SAMD11: variants seen among roughly 807,000 people sequenced by gnomAD.
SAMD11 encodes the protein sterile alpha motif domain-containing protein 11.
Under a neutral mutation model 64.4 loss-of-function variants are expected in SAMD11, and 77 were observed. The ratio of observed to expected loss-of-function variants is 1.20; its 90% confidence interval spans 0.99 to 1.44. The LOEUF (loss-of-function observed/expected upper bound fraction) is 1.44, where lower values mean the gene tolerates loss of function less well. Among genes scored for constraint, SAMD11 ranks in the 40% most tolerant of loss-of-function variants. The pLI is 0.00. For synonymous variants in SAMD11, 658 were observed against 421.9 expected (o/e 1.56, Z -6.86); for missense variants, 1,402 against 943.3 (o/e 1.49, Z -6.37).
chr1:931,501 G>C (rs115815685), intron 4 of SAMD11, among the ~76,000 whole-genome samples: 1 of 152,222 alleles, frequency 6.6e-6, no homozygotes, highest in Non-Finnish European at 1.5e-5. Flanking sequence ...GCCCTGAAGG[G>C]TGTGTAGGAG....
In SAMD11 at chr1:935,671, T is replaced by C; in HGVS notation, c.843-101T>C. 3 of 1,509,092 alleles carry C rather than the reference T, an allele frequency of 2.0e-6. No individual in the cohort carries two copies. The South Asian group carries it at 3.6e-5, about 18-fold the overall frequency. 93.5% of individuals were successfully genotyped at this position (1,509,092 alleles called of 1,614,324 possible). ...ACAGCAACGTGGCACTCAGAGGTCATCCCCACGCTCACACACAGAGCTAGG... is the reference window on the plus strand; with the variant it reads ...ACAGCAACGTGGCACTCAGAGGTCACCCCCACGCTCACACACAGAGCTAGG... On this transcript the variant is annotated intron_variant, in intron 4 of 13. Transcript: ENST00000616016.
chr1:936,817 G>A (rs1212929154), intron 5 of SAMD11, among the ~76,000 whole-genome samples: 1 of 152,158 alleles, frequency 6.6e-6, no homozygotes, highest in Non-Finnish European at 1.5e-5. Context: ...GCTGAGAGGC[G>A]GTTGATAAAA....
chr1:941,086 G>A, intron 7 of SAMD11, 58 bp from the exon 8 acceptor site: 30 of 1,474,282 alleles, frequency 2.0e-5, no homozygotes, highest in South Asian at 7.4e-5. Context: ...CCAGGACGCG[G>A]GCTGGGGAGG....
At chr1:931,545 A>T (rs1171988674) in intron 4 of SAMD11, among the ~76,000 whole-genome samples, 2 of 152,096 alleles carry the variant, frequency 1.3e-5, no homozygotes, top group African/African-American at 2.4e-5. Flanking sequence ...AGAGTAGAGG[A>T]ACAGGGAAGG....
rs563989684 is a variant in SAMD11, at chr1:936,357, C to T, written c.967+461C>T. Among the ~76,000 whole-genome samples, 4 of 145,864 alleles carry T rather than the reference C, an allele frequency of 2.7e-5. 1 individual carries two copies. Among genetic ancestry groups the T allele is most frequent in the South Asian group, 2.2e-4 (1 of 4,542 alleles). The stretch of plus-strand genomic sequence containing the variant: ...CCTGGACGGAAGGGGTCCCCGGTCC[C>T]GCCTCCTAGGGCTCCTGGACGGAAG... On this transcript the variant is annotated intron_variant, in intron 5 of 13. Coordinates refer to ENST00000616016, the MANE Select transcript of SAMD11 (RefSeq NM_001385641.1).
At chr1:939,155 C>T in intron 6 of SAMD11, 26 bp downstream of exon 6, 3 of 1,562,200 alleles carry the variant, frequency 1.9e-6, no homozygotes, top group Non-Finnish European at 8.7e-7. Flanking sequence ...GGACGAGAGA[C>T]AGGTCACCAG....
chr1:941,372 C>T, intron 8 of SAMD11, 66 bp downstream of exon 8: 11 of 1,403,332 alleles, frequency 7.8e-6, no homozygotes, highest in Non-Finnish European at 1.0e-5. Context: ...CGCTCTCAGC[C>T]ACCAGCACGC....
intron 5 of SAMD11, 39 bp downstream of exon 5, chr1:935,935 G>A: frequency 6.3e-7 from 1 of 1,599,144 alleles, no homozygotes; most frequent in Non-Finnish European, 8.5e-7. Flanking sequence ...GGTCGGGGCT[G>A]TGGGGCCAGA....
chr1:935,271 C>T (rs76294260), intron 4 of SAMD11, among the ~76,000 whole-genome samples: 8,518 of 152,172 alleles, frequency 0.056, 455 homozygotes, highest in East Asian at 0.28. Flanking sequence ...GCCGTGTGTG[C>T]GTGGGGCGCG....
chr1:929,630 G>A (rs1441509457), intron 2 of SAMD11, among the ~76,000 whole-genome samples: 5 of 152,352 alleles, frequency 3.3e-5, no homozygotes, highest in African/African-American at 7.2e-5. Flanking sequence ...CGGAGGGAAC[G>A]TGCGCATTTG....
chr1:925,771 A>G (rs2100288379), intron 1 of SAMD11, 151 bp from the exon 2 acceptor site: 1 of 625,914 alleles, frequency 1.6e-6, no homozygotes, highest in Non-Finnish European at 2.9e-6. Context: ...CGAGGGTGGG[A>G]CGGGAAGCGG....
Position 924,499 on chromosome 1 carries a change from C to A in SAMD11, c.68C>A (p.Pro23Gln), listed in dbSNP as rs1640790435. The A allele has an allele frequency of 5.3e-5, 8 of 149,898 alleles. No homozygotes were observed. The South Asian group carries it at 1.5e-3, about 29-fold the overall frequency. 9.3% of individuals were successfully genotyped at this position (149,898 alleles called of 1,614,324 possible). Residue 23 changes from proline (P) to glutamine (Q), a missense_variant, in exon 1 of 14, where the codon CCG (proline) becomes CAG (glutamine). Physicochemically the swap from Pro to Gln is moderately conservative, Grantham distance 76 (BLOSUM62 -1). Transcript: ENST00000616016. ...GCCCTGGCTCTGGCCACGTTCCACC[C>A]GACCCTGGCCGCGCTGCCGCTGCCG... ...DLALALATFH[P>Q]TLAALPLPPL... is the part of the protein sequence containing the mutation.
intron 2 of SAMD11, 99 bp from the exon 3 acceptor site, chr1:930,056 C>G: frequency 7.2e-7 from 1 of 1,389,978 alleles, no homozygotes; most frequent in Non-Finnish European, 9.7e-7. Flanking sequence ...AGGGCAGACC[C>G]CCGGGAGATG....
rs552305601 is a variant in SAMD11, at chr1:940,296, G to GCCCCCCCCCCCCCCCCCCC, written c.1196-836_1196-835insCCCCCCCCCCCCCCCCCCC. The stretch of plus-strand genomic sequence containing the variant: ...GCGCTGTCAATCAGGCCGCGCCGCC[G>GCCCCCCCCCCCCCCCCCCC]CCCCCCCCCCCCGCCCCGCCGCGGA... On this transcript the variant is annotated intron_variant, in intron 7 of 13. Transcript: ENST00000616016. The GCCCCCCCCCCCCCCCCCCC allele has an allele frequency of 1.1e-4, 14 of 131,480 alleles. 1 individual carries two copies. Among genetic ancestry groups the GCCCCCCCCCCCCCCCCCCC allele is most frequent in the Admixed American group, 4.0e-4 (5 of 12,476 alleles). 8.1% of individuals were successfully genotyped at this position (131,480 alleles called of 1,614,324 possible). A position where few individuals can be genotyped will look rare whatever the true frequency, so the allele number is the denominator to read the frequency against.
rs748182628 is a variant in SAMD11 at position 943,986 on chromosome 1, G to A, written c.2368G>A (p.Ala790Thr). The change falls in exon 14 of 14, where the codon GCC (alanine) becomes ACC (threonine). Residue 790 changes from alanine (A) to threonine (T), a missense_variant. By Grantham distance (58) the Ala-to-Thr change is moderately conservative. Transcript: ENST00000616016. ...GCCACTGCAGCCACCAACCCTGCGG[G>A]CCCCGGAGCGAGAACTCGGCACAGG... ...ALPLQPPTLR[A>T]PERELGTGEQ... 1.3e-5 allele frequency: 21 copies of A among 1,612,678 alleles called. No individual in the cohort carries two copies. The highest frequency in any genetic ancestry group is 1.6e-5 in the Non-Finnish European group (19 of 1,179,980).
intron 4 of SAMD11, among the ~76,000 whole-genome samples, chr1:931,521 G>A (rs1402776606): frequency 3.9e-5 from 6 of 152,212 alleles, no homozygotes; most frequent in African/African-American, 1.2e-4. Flanking sequence ...GCTCTAAGGC[G>A]AGGGGATGTC....
rs781122012 is a variant in SAMD11, at chr1:943,412, G to C, written c.2178+35G>C. 3 of 1,491,766 alleles carry C rather than the reference G, an allele frequency of 2.0e-6. No homozygotes were observed. In the South Asian group the frequency reaches 4.0e-5, roughly 20 times the overall value. The allele number at this position is 1,491,766 out of a possible 1,614,324, so 92.4% of individuals were successfully genotyped here. A position where few individuals can be genotyped will look rare whatever the true frequency, so the allele number is the denominator to read the frequency against. On this transcript the variant is annotated intron_variant, in intron 12 of 13. Coordinates refer to ENST00000616016, the MANE Select transcript of SAMD11 (RefSeq NM_001385641.1). The stretch of plus-strand genomic sequence containing the variant: ...GGCCCCAGTTCCTGGGGCGGGGCTG[G>C]AGCTGGCTGGCAGTCACTACCTCCC...
intron 4 of SAMD11, among the ~76,000 whole-genome samples, chr1:933,095 C>T (rs999795989): frequency 5.3e-5 from 8 of 152,338 alleles, no homozygotes; most frequent in African/African-American, 9.6e-5. Context: ...ACCTGCAGCC[C>T]GGCCCCACCA....
rs2100330266 is a variant in SAMD11, at chr1:935,842, C to T, written c.913C>T (p.Gln305Ter). 6.2e-7 allele frequency: 1 copy of T among 1,613,348 alleles called. No individual in the cohort carries two copies. The highest frequency in any genetic ancestry group is 8.5e-7 in the Non-Finnish European group (1 of 1,179,872). Residue 305 changes from glutamine to a stop codon, truncating the protein, a stop_gained, in exon 5 of 14, where the codon CAG becomes TAG. Coordinates refer to ENST00000616016, the MANE Select transcript of SAMD11 (RefSeq NM_001385641.1). LOFTEE classifies it high-confidence loss of function. ...RSRHLVMPEH[Q>*]SRCEFQRGSL... ...CCGCCACCTCGTTATGCCCGAGCAT[C>T]AGAGCCGCTGTGAATTCCAGAGAGG...
Sources: allele counts gnomAD v4.1 joint callset (sites outside exome capture counted in the v4.1 genomes callset), GRCh38; gene constraint gnomAD v4.1.1; transcripts MANE v1.5; gene names NCBI Gene and HGNC (gene_info 2026-07-23, HGNC 2026-07-21).